The following CSMD1 variants were observed in gnomAD, a reference collection of about 807,000 sequenced individuals.
The protein encoded by CSMD1 is CUB and Sushi multiple domains 1, also known as CUB and sushi domain-containing protein 1.
CSMD1 carries 213 observed loss-of-function variants against 417.5 expected under a neutral mutation model. That is an observed-to-expected ratio of 0.51 (90% CI 0.46 to 0.57). CSMD1 has a LOEUF of 0.57. Among genes scored for constraint, CSMD1 ranks in the 20% least tolerant of loss-of-function variants. The probability of loss-of-function intolerance (pLI) is 0.00; values close to 1 mark genes in which losing one functional copy is unlikely to be tolerated. For synonymous variants in CSMD1, 2,862 were observed against 1,736.8 expected (o/e 1.65, Z -16.11); for missense variants, 6,923 against 4,529.7 (o/e 1.53, Z -15.17).
Position 2,950,428 on chromosome 8 carries a change from G to A in CSMD1, c.10202-85C>T, listed in dbSNP as rs1049598189. 4.3e-5 allele frequency: 34 copies of A among 790,452 alleles called. 1 individual carries two copies. Among genetic ancestry groups the A allele is most frequent in the Middle Eastern group, 2.3e-4 (1 of 4,274 alleles). The allele number at this position is 790,452 out of a possible 1,614,324, so 49.0% of individuals were successfully genotyped here. ...ATCCATTTGATGTGGAATGTGGTAC[G>A]GAGATGATAATATCATCGATAATAG... On this transcript the variant is annotated intron_variant, in intron 66 of 69. Coordinates refer to ENST00000635120, the MANE Select transcript of CSMD1 (RefSeq NM_033225.6).
rs149097614 is a variant in CSMD1, at chr8:4,167,583, A to T, written c.416-135484T>A. The stretch of plus-strand genomic sequence containing the variant: ...ATTAGCAGCAAAAATTCAACCATTT[A>T]AGGATATGCAAATGGCAGAAAAAAG... On this transcript the variant is annotated intron_variant, in intron 3 of 69. Coordinates refer to ENST00000635120, the MANE Select transcript of CSMD1 (RefSeq NM_033225.6). Among the ~76,000 whole-genome samples, 1,201 of 152,322 alleles carry T rather than the reference A, an allele frequency of 7.9e-3. 10 individuals carry two copies. Among genetic ancestry groups the T allele is most frequent in the African/African-American group, 0.027 (1,129 of 41,574 alleles).
chr8:3,882,157 T>C (rs563114380), intron 5 of CSMD1, among the ~76,000 whole-genome samples: 2 of 151,998 alleles, frequency 1.3e-5, no homozygotes, highest in Non-Finnish European at 2.9e-5. Context: ...TCCACCAAGA[T>C]TTGTGTACAG....
At chr8:3,534,170 T>A (rs981160423) in intron 10 of CSMD1, among the ~76,000 whole-genome samples, 10 of 152,272 alleles carry the variant, frequency 6.6e-5, no homozygotes, top group Admixed American at 3.3e-4. Flanking sequence ...AGTAATTCCA[T>A]CTCTTGGTGT....
At chr8:3,028,415 AC>A (rs1810106319) in intron 51 of CSMD1, among the ~76,000 whole-genome samples, 1 of 152,168 alleles carries the variant, frequency 6.6e-6, no homozygotes, top group Non-Finnish European at 1.5e-5. Context: ...CCAAACCAGG[AC>A]ACCGTTCAGA....
chr8:4,089,868 G>A (rs1280202962), intron 3 of CSMD1, among the ~76,000 whole-genome samples: 1 of 152,140 alleles, frequency 6.6e-6, no homozygotes, highest in East Asian at 1.9e-4. Context: ...TCTCACCACA[G>A]AGAAGTACCT....
intron 2 of CSMD1, among the ~76,000 whole-genome samples, chr8:4,482,447 AG>A: frequency 6.6e-6 from 1 of 152,302 alleles, no homozygotes; most frequent in Non-Finnish European, 1.5e-5. Context: ...ATGGCTGCAT[AG>A]TACTCCATGG....
chr8:3,650,380 T>C (rs1797791961), intron 7 of CSMD1, among the ~76,000 whole-genome samples: 1 of 152,202 alleles, frequency 6.6e-6, no homozygotes, highest in African/African-American at 2.4e-5. Flanking sequence ...TACCATGCTT[T>C]AATTAGGGAA....
intron 10 of CSMD1, among the ~76,000 whole-genome samples, chr8:3,513,390 G>C (rs1033057626): frequency 4.6e-5 from 7 of 151,146 alleles, no homozygotes; most frequent in Non-Finnish European, 7.4e-5. Context: ...GGCTGGTGTG[G>C]AGTGGTGCTC....
chr8:3,386,010 T>G (rs1563334404), intron 18 of CSMD1, among the ~76,000 whole-genome samples: 1 of 152,340 alleles, frequency 6.6e-6, no homozygotes, highest in East Asian at 1.9e-4. Context: ...AAATTCTTAC[T>G]GTCTTTCCTG....
intron 1 of CSMD1, among the ~76,000 whole-genome samples, chr8:4,706,096 A>G (rs562751855): frequency 6.6e-6 from 1 of 150,548 alleles, no homozygotes; most frequent in South Asian, 2.1e-4. Flanking sequence ...CATATAATAT[A>G]TAAAAACTAT....
intron 3 of CSMD1, among the ~76,000 whole-genome samples, chr8:4,290,619 A>G (rs1333545313): frequency 6.6e-6 from 1 of 152,216 alleles, no homozygotes; most frequent in Non-Finnish European, 1.5e-5. Flanking sequence ...TAGATGCTGT[A>G]TTTAGGAAAG....
At chr8:4,375,629 G>T (rs760043603) in intron 3 of CSMD1, among the ~76,000 whole-genome samples, 7 of 152,026 alleles carry the variant, frequency 4.6e-5, no homozygotes, top group African/African-American at 1.7e-4. Flanking sequence ...GTGGAATTGT[G>T]GCTGTGGGAT....
intron 5 of CSMD1, among the ~76,000 whole-genome samples, chr8:3,755,145 G>A (rs568944725): frequency 9.3e-4 from 141 of 152,280 alleles, no homozygotes; most frequent in Non-Finnish European, 1.5e-3. Context: ...GCTCCTGCCC[G>A]TTAGAGGCGC....
chr8:4,149,838 C>G (rs758718199), intron 3 of CSMD1, among the ~76,000 whole-genome samples: 2 of 152,146 alleles, frequency 1.3e-5, no homozygotes, highest in Non-Finnish European at 2.9e-5. Context: ...TTGGTTCATT[C>G]TCTTTATAAA....
intron 5 of CSMD1, among the ~76,000 whole-genome samples, chr8:3,768,776 C>T (rs766128219): frequency 2.0e-5 from 3 of 152,236 alleles, no homozygotes; most frequent in Non-Finnish European, 4.4e-5. Context: ...TCTCAGAAAT[C>T]GTAAGGCTTG....
intron 1 of CSMD1, among the ~76,000 whole-genome samples, chr8:4,980,836 T>C (rs1810849947): frequency 6.6e-6 from 1 of 151,708 alleles, no homozygotes; most frequent in Admixed American, 6.6e-5. Context: ...CCCAGGAAGT[T>C]GAGGCTGCAG....
In CSMD1 at chr8:3,921,114, G is replaced by T. The variant is rs62480124; in HGVS notation, c.818+76789C>A. On this transcript the variant is annotated intron_variant, in intron 5 of 69. Coordinates refer to ENST00000635120, the MANE Select transcript of CSMD1 (RefSeq NM_033225.6). ...ATCTATTTATGGGTTTTCTTTGAAA[G>T]AAGGTTGAACACTGACACATTTCCC... Among the ~76,000 whole-genome samples the T allele has an allele frequency of 4.7e-5, 7 of 149,578 alleles. No individual in the cohort carries two copies. In the South Asian group the frequency reaches 1.2e-3, roughly 27 times the overall value.
At chr8:4,919,421 A>C (rs1213640377) in intron 1 of CSMD1, among the ~76,000 whole-genome samples, 2 of 152,198 alleles carry the variant, frequency 1.3e-5, no homozygotes, top group Admixed American at 6.5e-5. Flanking sequence ...AAAATTTCCA[A>C]TATAATAACA....
At chr8:3,169,129 G>A (rs996935704) in intron 37 of CSMD1, among the ~76,000 whole-genome samples, 3 of 152,136 alleles carry the variant, frequency 2.0e-5, no homozygotes, top group Non-Finnish European at 2.9e-5. Context: ...ATGTATTCAA[G>A]GTCATAAGCC....
Sources: allele counts gnomAD v4.1 joint callset (sites outside exome capture counted in the v4.1 genomes callset), GRCh38; gene constraint gnomAD v4.1.1; transcripts MANE v1.5; gene names NCBI Gene and HGNC (gene_info 2026-07-23, HGNC 2026-07-21).